The following MINDY3 variants were observed in gnomAD, a reference collection of about 807,000 sequenced individuals.
MINDY3 encodes the protein ubiquitin carboxyl-terminal hydrolase MINDY-3.
Under a neutral mutation model 69.2 loss-of-function variants are expected in MINDY3, and 38 were observed. The observed-to-expected ratio is 0.55, with a 90% CI of 0.42 to 0.72. MINDY3 has a LOEUF of 0.72. MINDY3 is among the 30% of genes least tolerant of loss of function. The probability of loss-of-function intolerance (pLI) is 0.00; values close to 1 mark genes in which losing one functional copy is unlikely to be tolerated. For synonymous variants in MINDY3, 192 were observed against 180.1 expected (o/e 1.07, Z -0.53); for missense variants, 522 against 519.0 (o/e 1.01, Z -0.06).
intron 10 of MINDY3, among the ~76,000 whole-genome samples, chr10:15,814,897 C>T (rs1839249406): frequency 2.0e-5 from 3 of 152,212 alleles, no homozygotes; most frequent in Admixed American, 2.0e-4. Flanking sequence ...CTCAGACTCA[C>T]AGCTCATTCG....
At chr10:15,812,839 A>T (rs1300466942) in intron 10 of MINDY3, among the ~76,000 whole-genome samples, 1 of 152,184 alleles carries the variant, frequency 6.6e-6, no homozygotes, top group African/African-American at 2.4e-5. Context: ...TCTAAGATCT[A>T]ATCATTAGCC....
chr10:15,842,650 G>T (rs1026996987), intron 3 of MINDY3, among the ~76,000 whole-genome samples: 1 of 151,746 alleles, frequency 6.6e-6, no homozygotes, highest in Non-Finnish European at 1.5e-5. Context: ...AATTTACTGT[G>T]AGGTTCACAG....
intron 10 of MINDY3, among the ~76,000 whole-genome samples, chr10:15,798,394 A>G (rs1296055392): frequency 1.3e-5 from 2 of 151,886 alleles, no homozygotes; most frequent in Non-Finnish European, 2.9e-5. Flanking sequence ...GGCATTAAGG[A>G]GCTGACAGTT....
chr10:15,849,017 G>A (rs1834075787), intron 1 of MINDY3, among the ~76,000 whole-genome samples: 1 of 152,136 alleles, frequency 6.6e-6, no homozygotes, highest in South Asian at 2.1e-4. Flanking sequence ...CACAGTCTCT[G>A]GTCTGGAGGA....
intron 11 of MINDY3, among the ~76,000 whole-genome samples, chr10:15,791,984 C>G (rs182318550): frequency 6.6e-6 from 1 of 152,110 alleles, no homozygotes; most frequent in African/African-American, 2.4e-5. Context: ...AACAGAGAAG[C>G]TGGAAAAAGG....
At chr10:15,795,354 A>G (rs185414644) in intron 11 of MINDY3, among the ~76,000 whole-genome samples, 3 of 152,176 alleles carry the variant, frequency 2.0e-5, no homozygotes, top group Admixed American at 2.0e-4. Context: ...AAAAGAGCAG[A>G]TCACTAAGTG....
At chr10:15,788,865 G>T (rs1837189860) in intron 12 of MINDY3, 1 of 155,564 alleles carries the variant, frequency 6.4e-6, no homozygotes, top group South Asian at 2.0e-4. Flanking sequence ...GAAAGTCAGA[G>T]GCCTGCTGGT....
At chr10:15,856,410 G>A (rs1415573608) in intron 1 of MINDY3, among the ~76,000 whole-genome samples, 1 of 150,698 alleles carries the variant, frequency 6.6e-6, no homozygotes, top group African/African-American at 2.4e-5. Context: ...TCTTCCCCTG[G>A]GGAAAAAGAA....
chr10:15,853,032 G>A (rs189963181), intron 1 of MINDY3, among the ~76,000 whole-genome samples: 4 of 152,160 alleles, frequency 2.6e-5, no homozygotes, highest in East Asian at 1.9e-4. Flanking sequence ...ACTGCAGAGC[G>A]TCTATGGATT....
At chr10:15,807,717 G>A (rs923051773) in intron 10 of MINDY3, among the ~76,000 whole-genome samples, 3 of 151,996 alleles carry the variant, frequency 2.0e-5, no homozygotes, top group African/African-American at 7.2e-5. Flanking sequence ...TATTGTAAGA[G>A]AAAAAGAAAA....
intron 2 of MINDY3, among the ~76,000 whole-genome samples, chr10:15,847,043 A>G (rs1273857165): frequency 6.6e-6 from 1 of 152,070 alleles, no homozygotes; most frequent in East Asian, 1.9e-4. Context: ...CTTAATACCC[A>G]ATGAATAATA....
At chr10:15,813,996 A>AG (rs1308528705) in intron 10 of MINDY3, among the ~76,000 whole-genome samples, 142 of 145,730 alleles carry the variant, frequency 9.7e-4, no homozygotes, top group African/African-American at 3.8e-3. Flanking sequence ...AAAAAAAAAG[A>AG]AAAAGAAAAA....
intron 10 of MINDY3, among the ~76,000 whole-genome samples, chr10:15,812,672 AAGCTACAG>A (rs1839088730): frequency 6.6e-6 from 1 of 152,194 alleles, no homozygotes; most frequent in African/African-American, 2.4e-5. Flanking sequence ...CATGTCAGAG[AAGCTACAG>A]CATAGCTCTC....
chr10:15,798,931 T>C (rs1486669901), intron 10 of MINDY3, among the ~76,000 whole-genome samples: 1 of 152,122 alleles, frequency 6.6e-6, no homozygotes, highest in African/African-American at 2.4e-5. Flanking sequence ...ATTTGGAACT[T>C]AGGCAAAAAT....
chr10:15,790,250 A>G (rs1837307641), intron 11 of MINDY3, among the ~76,000 whole-genome samples: 1 of 152,142 alleles, frequency 6.6e-6, no homozygotes. Flanking sequence ...ATGATTGTAG[A>G]AAGGTCTTTT....
At chr10:15,779,968 A>G (rs561983122) in intron 14 of MINDY3, among the ~76,000 whole-genome samples, 36 of 152,204 alleles carry the variant, frequency 2.4e-4, no homozygotes, top group African/African-American at 8.2e-4. Context: ...ACATTAAGGC[A>G]CTCCTTGGTG....
chr10:15,847,616 T>A (rs951858701), intron 2 of MINDY3, among the ~76,000 whole-genome samples: 1 of 152,194 alleles, frequency 6.6e-6, no homozygotes, highest in Non-Finnish European at 1.5e-5. Context: ...CCTAATTTTC[T>A]GAAAGTCAGG....
chr10:15,817,856 A>G (rs548495615), intron 9 of MINDY3: 1 of 152,292 alleles, frequency 6.6e-6, no homozygotes, highest in South Asian at 2.1e-4. Flanking sequence ...ATTTATTCTT[A>G]TCACTAGGAG....
chr10:15,783,214 T>G (rs151194374), intron 13 of MINDY3, among the ~76,000 whole-genome samples: 137 of 152,282 alleles, frequency 9.0e-4, no homozygotes, highest in African/African-American at 3.1e-3. Flanking sequence ...AGGAGCACTT[T>G]CCCGGTGCTT....
Sources: gnomAD v4.1 joint callset for allele counts (sites outside exome capture counted in the v4.1 genomes callset) on GRCh38, gnomAD v4.1.1 for gene constraint, MANE v1.5 for transcripts, NCBI Gene and HGNC (gene_info 2026-07-23, HGNC 2026-07-21) for gene names.